PCDHGB6: variants seen among roughly 807,000 people sequenced by gnomAD.
PCDHGB6 encodes the protein protocadherin gamma-B6.
Under a neutral mutation model 59.1 loss-of-function variants are expected in PCDHGB6, and 51 were observed. The observed-to-expected ratio is 0.86, with a 90% CI of 0.69 to 1.09. The LOEUF (loss-of-function observed/expected upper bound fraction) is 1.09. Ranked by LOEUF, PCDHGB6 falls within the 50% of genes least tolerant of loss-of-function variation. PCDHGB6 has a pLI of 0.00. For missense variants in PCDHGB6, 1,148 were observed against 1,205.1 expected (o/e 0.95, Z 0.70); for synonymous variants, 466 against 495.1 (o/e 0.94, Z 0.78).
intron 1 of PCDHGB6, chr5:141,441,516 C>T (rs1034274864): frequency 4.0e-5 from 7 of 173,082 alleles, no homozygotes; most frequent in Non-Finnish European, 8.7e-5. Flanking sequence ...ACGTCGTCCA[C>T]GTGGCCAAGA....
At chr5:141,414,288 C>T (rs368826232) in intron 1 of PCDHGB6, 40 of 1,613,502 alleles carry the variant, frequency 2.5e-5, no homozygotes, top group South Asian at 4.4e-5. Context: ...CAGTCGTAGC[C>T]CTTTTAAATG....
intron 2 of PCDHGB6, among the ~76,000 whole-genome samples, chr5:141,500,180 TTA>T (rs2099797073): frequency 7.1e-6 from 1 of 140,608 alleles, no homozygotes; most frequent in African/African-American, 2.8e-5. Flanking sequence ...AGCTTCATTT[TTA>T]TTTTTATTTA....
chr5:141,450,645 C>T (rs2098688869), intron 1 of PCDHGB6, among the ~76,000 whole-genome samples: 2 of 151,618 alleles, frequency 1.3e-5, no homozygotes, highest in Non-Finnish European at 2.9e-5. Context: ...TGCCACCATG[C>T]CTGGCTAATT....
At chr5:141,502,575 A>G (rs1314648955) in intron 2 of PCDHGB6, among the ~76,000 whole-genome samples, 2 of 152,208 alleles carry the variant, frequency 1.3e-5, no homozygotes, top group Admixed American at 1.3e-4. Context: ...CATTATAAAA[A>G]TATATTTTTA....
At chr5:141,464,263 TAA>T (rs35224477) in intron 1 of PCDHGB6, among the ~76,000 whole-genome samples, 15 of 103,552 alleles carry the variant, frequency 1.4e-4, no homozygotes, top group Admixed American at 3.2e-4. Context: ...AGACTCCGTC[TAA>T]AAAAAAAAAA....
intron 1 of PCDHGB6, among the ~76,000 whole-genome samples, chr5:141,470,068 G>A (rs1269966360): frequency 6.6e-6 from 1 of 152,240 alleles, no homozygotes; most frequent in East Asian, 1.9e-4. Flanking sequence ...GGCAGAGACT[G>A]TAGTGATCTG....
intron 1 of PCDHGB6, chr5:141,416,902 C>T (rs1364019748): frequency 1.3e-5 from 2 of 152,020 alleles, no homozygotes; most frequent in Non-Finnish European, 2.9e-5. Flanking sequence ...GGAAGGAAAG[C>T]ACACTCTTTA....
At chr5:141,506,444 CAAA>C (rs1219684339) in intron 3 of PCDHGB6, among the ~76,000 whole-genome samples, 12 of 95,004 alleles carry the variant, frequency 1.3e-4, no homozygotes, top group Admixed American at 3.3e-4. Context: ...CGCTCTGTCT[CAAA>C]AAAAAAAAAA....
chr5:141,500,433 T>A (rs1398344932), intron 2 of PCDHGB6, among the ~76,000 whole-genome samples: 17 of 151,882 alleles, frequency 1.1e-4, no homozygotes, highest in East Asian at 7.8e-4. Flanking sequence ...ATGGTCTCGA[T>A]CTCCTGACCT....
Position 141,431,587 on chromosome 5 carries a change from A to C in PCDHGB6, c.2418+20967A>C. On this transcript the variant is annotated intron_variant, in intron 1 of 3. Coordinates refer to ENST00000520790, the MANE Select transcript of PCDHGB6 (RefSeq NM_018926.3). This position sits in a 1 kb window ranked among gnomAD's most constrained non-coding sequence, Gnocchi z 4.8. ...ACCCTGACGAAGGAGTCAATGCGGA[A>C]GTGAGGTATTCCTTCCGGTATGTGG... The C allele has an allele frequency of 1.2e-6, 2 of 1,614,236 alleles. No homozygotes were observed. Among genetic ancestry groups the C allele is most frequent in the Non-Finnish European group, 1.7e-6 (2 of 1,180,036 alleles).
intron 1 of PCDHGB6, among the ~76,000 whole-genome samples, chr5:141,483,644 G>GTGTT (rs919432945): frequency 6.8e-6 from 1 of 146,522 alleles, no homozygotes; most frequent in Non-Finnish European, 1.5e-5. Flanking sequence ...AGAGGGGTGT[G>GTGTT]TGTTTGTGTG....
intron 1 of PCDHGB6, among the ~76,000 whole-genome samples, chr5:141,461,165 TG>T (rs2099010296): frequency 6.6e-6 from 1 of 152,146 alleles, no homozygotes; most frequent in South Asian, 2.1e-4. Flanking sequence ...ATAGTGGGAT[TG>T]CTGGATTGAA....
At chr5:141,455,860 ATTATTTATTTATTTATTTATTTAT>A (rs145569377) in intron 1 of PCDHGB6, among the ~76,000 whole-genome samples, 10 of 139,848 alleles carry the variant, frequency 7.2e-5, no homozygotes, top group Admixed American at 5.1e-4. Flanking sequence ...AATTTCTTTT[ATTATTTATTTATTTATTTATTTAT>A]TTATTTATTT....
chr5:141,431,408 G>T lies in PCDHGB6; in HGVS notation c.2418+20788G>T, dbSNP rs1270461546. On this transcript the variant is annotated intron_variant, in intron 1 of 3. Coordinates refer to ENST00000520790, the MANE Select transcript of PCDHGB6 (RefSeq NM_018926.3). The surrounding 1 kb of genome is among the most constrained non-coding windows in gnomAD (Gnocchi z 4.8). ...CCACCTGGTCCTTACGGCCTCCGAC[G>T]GGGGCGACCCGGTGCGCACAGGCAC... 4 of 1,613,600 alleles carry T rather than the reference G, an allele frequency of 2.5e-6. No individual in the cohort carries two copies. Among genetic ancestry groups the T allele is most frequent in the Non-Finnish European group, 3.4e-6 (4 of 1,180,038 alleles).
intron 1 of PCDHGB6, among the ~76,000 whole-genome samples, chr5:141,465,307 T>C (rs2099100636): frequency 6.6e-6 from 1 of 152,218 alleles, no homozygotes; most frequent in Non-Finnish European, 1.5e-5. Context: ...CCTGGGAATT[T>C]AGCCATGTCA....
At chr5:141,415,754 T>TTG in intron 1 of PCDHGB6, 4 of 1,385,736 alleles carry the variant, frequency 2.9e-6, no homozygotes, top group South Asian at 1.7e-5. Flanking sequence ...TTTTTTTTTT[T>TTG]TTTTTTTTTT....
chr5:141,455,130 A>T (rs1446894125), intron 1 of PCDHGB6, among the ~76,000 whole-genome samples: 2 of 150,970 alleles, frequency 1.3e-5, no homozygotes, highest in African/African-American at 4.8e-5. Flanking sequence ...GTTTTAAATT[A>T]CACTGTGTTA....
chr5:141,432,374 C>A lies in PCDHGB6; in HGVS notation c.2418+21754C>A. 2.5e-6 allele frequency: 4 copies of A among 1,614,240 alleles called. No individual in the cohort carries two copies. Among genetic ancestry groups the A allele is most frequent in the Non-Finnish European group, 3.4e-6 (4 of 1,180,042 alleles). On this transcript the variant is annotated intron_variant, in intron 1 of 3. Coordinates refer to ENST00000520790, the MANE Select transcript of PCDHGB6 (RefSeq NM_018926.3). This position sits in a 1 kb window ranked among gnomAD's most constrained non-coding sequence, Gnocchi z 6.0. ...GAAAGTGATGGCGCGGGACAACGGG[C>A]ACCCGCCCCTCAGCAGCAACGTGTC...
In PCDHGB6 at chr5:141,511,028, T is replaced by G. The variant is rs1279056657; in HGVS notation, c.2648T>G (p.Leu883Arg). The G allele has an allele frequency of 3.7e-6, 6 of 1,614,084 alleles. No individual in the cohort carries two copies. The highest frequency in any genetic ancestry group is 1.7e-5 in the Admixed American group (1 of 60,004). ...LSARYGPQFT[L>R]QHVPDYRQNV... is the part of the protein sequence containing the mutation. The stretch of plus-strand genomic sequence containing the variant: ...GCCCGCTACGGACCCCAGTTCACCC[T>G]GCAGCACGTGCCCGACTACCGCCAG... Residue 883 changes from leucine to arginine, a missense_variant, in exon 4 of 4, where the codon CTG becomes CGG. Physicochemically the swap from Leu to Arg is moderately radical, Grantham distance 102. This residue lies in a region of PCDHGB6 where 283 missense variants were observed against 318.6 expected (regional missense o/e 0.89). Transcript: ENST00000520790.
Sources: allele counts gnomAD v4.1 joint callset (sites outside exome capture counted in the v4.1 genomes callset), GRCh38; gene constraint gnomAD v4.1.1; regional missense constraint gnomAD v4.1.1; non-coding constraint Gnocchi (gnomAD v3.1); transcripts MANE v1.5; gene names NCBI Gene and HGNC (gene_info 2026-07-23, HGNC 2026-07-21).